COBLL1: variants seen among roughly 807,000 people sequenced by gnomAD.
The protein encoded by COBLL1 is cordon-bleu WH2 repeat protein like 1, also known as cordon-bleu protein-like 1.
Under a neutral mutation model 94.8 loss-of-function variants are expected in COBLL1, and 50 were observed. The ratio of observed to expected loss-of-function variants is 0.53; its 90% CI spans 0.42 to 0.67. COBLL1 has a LOEUF of 0.67. COBLL1 is among the 30% of genes least tolerant of loss of function. The pLI is 0.00. For synonymous variants in COBLL1, 448 were observed against 473.8 expected, an observed-to-expected ratio of 0.95 and a Z score of 0.71; for missense variants, 1,362 against 1,348.7, an observed-to-expected ratio of 1.01 and a Z score of -0.15.
chr2:164,716,229 C>A (rs1175382176), intron 7 of COBLL1, among the ~76,000 whole-genome samples: 1 of 152,140 alleles, frequency 6.6e-6, no homozygotes, highest in Non-Finnish European at 1.5e-5. Context: ...GAATTTCTGA[C>A]TTCCCATTTC....
chr2:164,756,718 G>T (rs764572961), intron 2 of COBLL1, among the ~76,000 whole-genome samples: 2 of 152,016 alleles, frequency 1.3e-5, no homozygotes, highest in Admixed American at 6.6e-5. Context: ...TAATCTTCCA[G>T]TGACAACATT....
intron 2 of COBLL1, among the ~76,000 whole-genome samples, chr2:164,749,346 TAAAAC>T (rs1238896132): frequency 6.6e-6 from 1 of 152,160 alleles, no homozygotes; most frequent in East Asian, 1.9e-4. Flanking sequence ...TTCTCAGTCT[TAAAAC>T]AATAGGGTTT....
At chr2:164,701,258 C>T (rs1180198929) in intron 9 of COBLL1, among the ~76,000 whole-genome samples, 2 of 152,102 alleles carry the variant, frequency 1.3e-5, no homozygotes, top group African/African-American at 4.8e-5. Flanking sequence ...AGGCTCACAC[C>T]CTACTCCACA....
At chr2:164,758,375 T>C (rs1687513982) in intron 2 of COBLL1, among the ~76,000 whole-genome samples, 1 of 152,062 alleles carries the variant, frequency 6.6e-6, no homozygotes, top group African/African-American at 2.4e-5. Context: ...CTTTTTTGAA[T>C]AGAACCCTAA....
intron 2 of COBLL1, among the ~76,000 whole-genome samples, chr2:164,792,744 T>A (rs1249373737): frequency 6.6e-6 from 1 of 152,210 alleles, no homozygotes; most frequent in East Asian, 1.9e-4. Context: ...CAATTTTGTA[T>A]GTATGCTTTA....
At chr2:164,714,490 T>C (rs1047954273) in intron 7 of COBLL1, among the ~76,000 whole-genome samples, 6 of 151,038 alleles carry the variant, frequency 4.0e-5, no homozygotes, top group African/African-American at 1.5e-4. Flanking sequence ...AGGATAGAGG[T>C]GTTTTTAGCC....
At chr2:164,696,048 T>G in intron 11 of COBLL1, 1 of 479,476 alleles carries the variant, frequency 2.1e-6, no homozygotes, top group South Asian at 3.2e-5. Flanking sequence ...CTGGCTTAAC[T>G]AGTGTGGCCA....
At chr2:164,670,487 G>C (rs1341403434) in intron 1 of COBLL1, among the ~76,000 whole-genome samples, 2 of 152,094 alleles carry the variant, frequency 1.3e-5, no homozygotes, top group Non-Finnish European at 2.9e-5. Flanking sequence ...GCTCACTCTT[G>C]TGAATTAAAA....
intron 2 of COBLL1, among the ~76,000 whole-genome samples, chr2:164,763,520 G>A (rs1480247431): frequency 6.6e-6 from 1 of 152,096 alleles, no homozygotes; most frequent in African/African-American, 2.4e-5. Flanking sequence ...TATGGCTTAT[G>A]CGAAAGGTTA....
At chr2:164,773,705 A>G in intron 2 of COBLL1, 1 of 1,245,200 alleles carries the variant, frequency 8.0e-7, no homozygotes, top group South Asian at 1.3e-5. Context: ...GTATTTACTT[A>G]CAACTGTTCC....
intron 1 of COBLL1, among the ~76,000 whole-genome samples, chr2:164,672,469 C>T (rs1040606684): frequency 6.1e-4 from 93 of 151,696 alleles, no homozygotes; most frequent in Middle Eastern, 3.2e-3. Flanking sequence ...GAGGCCGAGG[C>T]GGGTGGATCA....
chr2:164,728,642 T>C (rs924201917), intron 4 of COBLL1, among the ~76,000 whole-genome samples: 1 of 152,058 alleles, frequency 6.6e-6, no homozygotes, highest in Non-Finnish European at 1.5e-5. Flanking sequence ...GTCACTAAAA[T>C]TTTTGTTTCT....
chr2:164,832,090 C>T (rs1297536901), intron 2 of COBLL1, among the ~76,000 whole-genome samples: 1 of 152,146 alleles, frequency 6.6e-6, no homozygotes, highest in East Asian at 1.9e-4. Context: ...CCCGCTACTC[C>T]CCTTGGGCTC....
At chr2:164,688,538 A>G (rs1683426476) in intron 13 of COBLL1, among the ~76,000 whole-genome samples, 1 of 152,170 alleles carries the variant, frequency 6.6e-6, no homozygotes, top group African/African-American at 2.4e-5. Context: ...ACTGATGTGA[A>G]TATCTACTAG....
chr2:164,695,215 A>G lies in COBLL1; in HGVS notation c.2177T>C (p.Ile726Thr). ...KPSNEITREY[I>T]PKIGMTTYKI... ...ATAAGTAGTCATGCCAATTTTGGGT[A>G]TATACTCTCGTGTAATTTCATTTGA... Residue 726 changes from isoleucine to threonine, a missense_variant, in exon 12 of 14, where the codon ATA (isoleucine) becomes ACA (threonine). Ile to Thr is a moderately conservative substitution (Grantham distance 89, BLOSUM62 -1). Transcript: ENST00000652658. 6.2e-7 allele frequency: 1 copy of G among 1,613,912 alleles called. No homozygotes were observed. Among genetic ancestry groups the G allele is most frequent in the South Asian group, 1.1e-5 (1 of 91,078 alleles).
intron 2 of COBLL1, among the ~76,000 whole-genome samples, chr2:164,755,867 T>G (rs149002916): frequency 1.5e-3 from 225 of 152,350 alleles, no homozygotes; most frequent in Non-Finnish European, 2.2e-3. Context: ...AAAATCACTA[T>G]GCTGTGCAAG....
intron 7 of COBLL1, among the ~76,000 whole-genome samples, chr2:164,712,690 A>G (rs531984081): frequency 6.6e-6 from 1 of 152,082 alleles, no homozygotes; most frequent in East Asian, 1.9e-4. Flanking sequence ...TTATTATTAC[A>G]CTATAATAAA....
chr2:164,680,224 A>G lies in COBLL1; in HGVS notation c.*5722T>C, dbSNP rs552107474. ...CAATAATTTATTTATTGACTTTATT[A>G]TAATTTCAAACATGCAGACAAGTTA... On this transcript the variant is annotated 3_prime_UTR_variant, in exon 14 of 14. Transcript: ENST00000652658. 2.0e-5 allele frequency: 3 copies of G among 151,978 alleles called. No individual in the cohort carries two copies. The highest frequency in any genetic ancestry group is 3.9e-4 in the East Asian group (2 of 5,182). 9.4% of individuals were successfully genotyped at this position (151,978 alleles called of 1,614,324 possible). A position where few individuals can be genotyped will look rare whatever the true frequency, so the allele number is the denominator to read the frequency against.
chr2:164,806,288 C>T (rs993280090), intron 2 of COBLL1, among the ~76,000 whole-genome samples: 1 of 152,124 alleles, frequency 6.6e-6, no homozygotes, highest in Non-Finnish European at 1.5e-5. Flanking sequence ...AGTTCTGCCA[C>T]GTACAATCTA....
Sources: gnomAD v4.1 joint callset for allele counts (sites outside exome capture counted in the v4.1 genomes callset) on GRCh38, gnomAD v4.1.1 for gene constraint, MANE v1.5 for transcripts, NCBI Gene and HGNC (gene_info 2026-07-23, HGNC 2026-07-21) for gene names.